The following TFCP2L1 variants were observed in gnomAD, a reference collection of about 807,000 sequenced individuals.
TFCP2L1 encodes transcription factor CP2 like 1.
A neutral mutation model predicts 72.2 loss-of-function variants in TFCP2L1; 12 were observed. That is an observed-to-expected ratio of 0.17 (90% confidence interval 0.11 to 0.27). TFCP2L1 has a LOEUF of 0.27. TFCP2L1 is among the 10% of genes least tolerant of loss of function. TFCP2L1 has a pLI of 1.00. For synonymous variants in TFCP2L1, 260 were observed against 251.0 expected (o/e 1.04, Z -0.34); for missense variants, 488 against 624.6 (o/e 0.78, Z 2.33).
At chr2:121,233,289 G>A (rs937911774) in intron 12 of TFCP2L1, among the ~76,000 whole-genome samples, 6 of 151,856 alleles carry the variant, frequency 4.0e-5, no homozygotes, top group South Asian at 2.1e-4. Context: ...ACCTCCCTCC[G>A]CCTCCCGGGT....
chr2:121,269,918 A>AAAAAAAAAAAAAAAAAAATATAT, intron 2 of TFCP2L1, among the ~76,000 whole-genome samples: 12 of 115,170 alleles, frequency 1.0e-4, no homozygotes, highest in Admixed American at 4.6e-4. Context: ...AAAAAAAAAA[A>AAAAAAAAAAAAAAAAAAATATAT]ATATATATAT....
intron 2 of TFCP2L1, among the ~76,000 whole-genome samples, chr2:121,255,462 A>T (rs909808098): frequency 1.3e-5 from 2 of 152,244 alleles, no homozygotes; most frequent in African/African-American, 4.8e-5. Flanking sequence ...GTGCCAGTAC[A>T]CTGCAAGCCC....
At chr2:121,271,283 G>A (rs769898559) in intron 2 of TFCP2L1, among the ~76,000 whole-genome samples, 6 of 151,758 alleles carry the variant, frequency 4.0e-5, no homozygotes, top group East Asian at 1.9e-4. Flanking sequence ...AAAGGTACAC[G>A]TGGCGAACAT....
intron 2 of TFCP2L1, among the ~76,000 whole-genome samples, chr2:121,261,487 A>G (rs149916581): frequency 2.6e-5 from 4 of 152,356 alleles, no homozygotes; most frequent in South Asian, 2.1e-4. Context: ...TGAACAATGT[A>G]AACAACACAA....
chr2:121,248,364 C>T, intron 4 of TFCP2L1, 94 bp from the exon 5 acceptor site: 2 of 1,013,234 alleles, frequency 2.0e-6, no homozygotes, highest in Non-Finnish European at 2.8e-6. Flanking sequence ...ATTCCTTCGC[C>T]CCAATTTGCA....
At chr2:121,265,865 C>CTTTT (rs559969459) in intron 2 of TFCP2L1, among the ~76,000 whole-genome samples, 15 of 131,618 alleles carry the variant, frequency 1.1e-4, no homozygotes. Context: ...AAGTAGTAAT[C>CTTTT]TTTTTTTTTT....
intron 6 of TFCP2L1, among the ~76,000 whole-genome samples, chr2:121,243,158 A>G (rs1169488435): frequency 1.3e-5 from 2 of 152,168 alleles, no homozygotes; most frequent in East Asian, 3.9e-4. Flanking sequence ...CGACCTTGCT[A>G]TGTAGTCTCC....
intron 2 of TFCP2L1, among the ~76,000 whole-genome samples, chr2:121,276,102 A>G (rs1687141183): frequency 6.6e-6 from 1 of 152,162 alleles, no homozygotes; most frequent in Non-Finnish European, 1.5e-5. Context: ...GTTCTGAGAT[A>G]CATGTGCAGA....
chr2:121,233,972 G>C, intron 12 of TFCP2L1, 119 bp downstream of exon 12: 2 of 883,054 alleles, frequency 2.3e-6, no homozygotes, highest in South Asian at 2.9e-5. Context: ...GTGTGGGCAT[G>C]TGGGAGCCCA....
chr2:121,272,947 T>C (rs1687072791), intron 2 of TFCP2L1, among the ~76,000 whole-genome samples: 1 of 152,180 alleles, frequency 6.6e-6, no homozygotes, highest in Non-Finnish European at 1.5e-5. Flanking sequence ...TCCAGCCATA[T>C]CACTCATATT....
intron 2 of TFCP2L1, among the ~76,000 whole-genome samples, chr2:121,263,329 T>C (rs574558960): frequency 5.3e-5 from 8 of 152,322 alleles, no homozygotes; most frequent in African/African-American, 1.9e-4. Flanking sequence ...ATGAACAATA[T>C]GAAACTGTAG....
intron 2 of TFCP2L1, among the ~76,000 whole-genome samples, chr2:121,251,349 A>G (rs2104709755): frequency 6.6e-6 from 1 of 152,090 alleles, no homozygotes; most frequent in East Asian, 1.9e-4. Context: ...ACATTATCAA[A>G]ACTACAGACC....
rs1305212672 is a variant in TFCP2L1, at chr2:121,223,435, C to A, written c.*906G>T. 1 of 152,178 alleles carries A rather than the reference C, an allele frequency of 6.6e-6. No individual in the cohort carries two copies. The highest frequency in any genetic ancestry group is 1.5e-5 in the Non-Finnish European group (1 of 68,036). 9.4% of individuals were successfully genotyped at this position (152,178 alleles called of 1,614,324 possible). On this transcript the variant is annotated 3_prime_UTR_variant, in exon 15 of 15. Transcript: ENST00000263707. ...AAGTTTAGCAGCGGTTCAACAAGGT[C>A]TTCTCTAACTTTCTATAAGTCCATC... is the stretch of plus-strand genomic sequence containing the variant.
intron 12 of TFCP2L1, among the ~76,000 whole-genome samples, chr2:121,233,037 G>A (rs1412995148): frequency 6.6e-6 from 1 of 152,192 alleles, no homozygotes; most frequent in African/African-American, 2.4e-5. Flanking sequence ...AGCACACACA[G>A]GTGGGTGTGG....
chr2:121,230,552 G>A (rs1686120399), intron 13 of TFCP2L1, among the ~76,000 whole-genome samples: 1 of 152,134 alleles, frequency 6.6e-6, no homozygotes, highest in African/African-American at 2.4e-5. Flanking sequence ...AGGCCAAGGT[G>A]GGTGGATCAC....
intron 2 of TFCP2L1, among the ~76,000 whole-genome samples, chr2:121,251,175 GA>G: frequency 6.6e-6 from 1 of 151,820 alleles, no homozygotes; most frequent in South Asian, 2.1e-4. Context: ...AGAATCACTT[GA>G]ACCCGGGAGG....
intron 2 of TFCP2L1, among the ~76,000 whole-genome samples, chr2:121,279,514 T>C (rs532852841): frequency 5.3e-5 from 8 of 152,190 alleles, no homozygotes; most frequent in Non-Finnish European, 1.0e-4. Flanking sequence ...AAGCATCACC[T>C]TCCACTGCGG....
At chr2:121,230,061 A>G (rs1272402894) in intron 13 of TFCP2L1, among the ~76,000 whole-genome samples, 4 of 152,166 alleles carry the variant, frequency 2.6e-5, no homozygotes, top group Non-Finnish European at 5.9e-5. Context: ...TCCTCTATAC[A>G]GAGGCCTTCA....
chr2:121,284,364 CG>C (rs1259185882), intron 1 of TFCP2L1, among the ~76,000 whole-genome samples: 1 of 152,238 alleles, frequency 6.6e-6, no homozygotes, highest in Non-Finnish European at 1.5e-5. Flanking sequence ...CGAGAGCACA[CG>C]GGGTCCTACT....
Sources: gnomAD v4.1 joint callset for allele counts (sites outside exome capture counted in the v4.1 genomes callset) on GRCh38, gnomAD v4.1.1 for gene constraint, MANE v1.5 for transcripts, NCBI Gene and HGNC (gene_info 2026-07-23, HGNC 2026-07-21) for gene names.